The following LAMA3 variants were observed in gnomAD, a reference collection of about 807,000 sequenced individuals.
The protein encoded by LAMA3 is laminin subunit alpha-3.
LAMA3 carries 281 observed loss-of-function variants against 402.0 expected under a neutral mutation model. The ratio of observed to expected loss-of-function variants is 0.70; its 90% CI spans 0.63 to 0.77. The LOEUF (loss-of-function observed/expected upper bound fraction) is 0.77. Ranked by LOEUF, LAMA3 falls within the 30% of genes least tolerant of loss-of-function variation. The pLI is 0.00. For synonymous variants in LAMA3, 1,431 were observed against 1,558.4 expected, an observed-to-expected ratio of 0.92 and a Z score of 1.93; for missense variants, 3,840 against 4,215.5, an observed-to-expected ratio of 0.91 and a Z score of 2.47.
In LAMA3 at chr18:23,828,222, A is replaced by T. The variant is rs531449891; in HGVS notation, c.2823+755A>T. On this transcript the variant is annotated intron_variant, in intron 23 of 74. Transcript: ENST00000313654. Reference sequence around the variant, plus strand: ...TGGGGGATTAAATTTGTGGGATGAAAATATATGTGGAGTTAATTGTAACTG... The same window carrying T: ...TGGGGGATTAAATTTGTGGGATGAATATATATGTGGAGTTAATTGTAACTG... 2.0e-5 allele frequency among the ~76,000 whole-genome samples: 3 copies of T among 152,324 alleles called. No individual in the cohort carries two copies. The East Asian group carries it at 5.8e-4, about 29-fold the overall frequency.
chr18:23,699,050 G>A (rs12953348), intron 1 of LAMA3, among the ~76,000 whole-genome samples: 1 of 128,144 alleles, frequency 7.8e-6, no homozygotes, highest in African/African-American at 2.6e-5. Context: ...GAGAGAGAGA[G>A]AGAGAAAGAA....
At chr18:23,861,577 A>G in intron 34 of LAMA3, 69 bp from the exon 35 acceptor site, 1 of 1,561,936 alleles carries the variant, frequency 6.4e-7, no homozygotes, top group Non-Finnish European at 8.8e-7. Flanking sequence ...GTAGTACATC[A>G]TGCACCCATC....
chr18:23,887,506 A>T (rs2080478803), intron 41 of LAMA3, among the ~76,000 whole-genome samples: 1 of 152,242 alleles, frequency 6.6e-6, no homozygotes, highest in Non-Finnish European at 1.5e-5. Context: ...TGTTTGTTAT[A>T]TCTGATGTCT....
rs1414085351 is a variant in LAMA3 at position 23,689,596 on chromosome 18, C to T, written c.-88C>T. Reference sequence around the variant, plus strand: ...ATCCCCGGCTGCGCTAGTCCTGGCGCTGCAGGTCCGGGAGGCGCAGGCGGA... The same window carrying T: ...ATCCCCGGCTGCGCTAGTCCTGGCGTTGCAGGTCCGGGAGGCGCAGGCGGA... On this transcript the variant is annotated 5_prime_UTR_variant, in exon 1 of 75. Coordinates refer to ENST00000313654, the MANE Select transcript of LAMA3 (RefSeq NM_198129.4). The T allele has an allele frequency of 8.5e-7, 1 of 1,177,368 alleles. No homozygotes were observed. Among genetic ancestry groups the T allele is most frequent in the Admixed American group, 4.3e-5 (1 of 23,066 alleles). The allele number at this position is 1,177,368 out of a possible 1,614,324, so 72.9% of individuals were successfully genotyped here. A position where few individuals can be genotyped will look rare whatever the true frequency, so the allele number is the denominator to read the frequency against.
chr18:23,831,129 A>G (rs2063483022), intron 23 of LAMA3, among the ~76,000 whole-genome samples: 1 of 152,136 alleles, frequency 6.6e-6, no homozygotes, highest in African/African-American at 2.4e-5. Context: ...TTTTTGTGAG[A>G]ATCTCTGTAG....
chr18:23,789,714 C>T (rs754035115), intron 12 of LAMA3, among the ~76,000 whole-genome samples: 2 of 151,990 alleles, frequency 1.3e-5, no homozygotes, highest in African/African-American at 2.4e-5. Context: ...TTAGGGGGAA[C>T]GAAAATGTTC....
At chr18:23,882,609 T>TAA (rs10555585) in intron 40 of LAMA3, among the ~76,000 whole-genome samples, 3 of 138,790 alleles carry the variant, frequency 2.2e-5, no homozygotes, top group Non-Finnish European at 1.6e-5. Flanking sequence ...GACTCCATCT[T>TAA]AAAAAAAAAA....
chr18:23,716,243 T>C (rs2061097357), intron 2 of LAMA3, among the ~76,000 whole-genome samples: 1 of 152,104 alleles, frequency 6.6e-6, no homozygotes, highest in South Asian at 2.1e-4. Context: ...CTGCAACCTC[T>C]GCCTCCCACG....
Position 23,763,406 on chromosome 18 carries a change from A to C in LAMA3, c.1065A>C (p.Ala355=), listed in dbSNP as rs1224425153. 3 of 1,604,246 alleles carry C rather than the reference A, an allele frequency of 1.9e-6. No homozygotes were observed. The highest frequency in any genetic ancestry group is 2.6e-6 in the Non-Finnish European group (3 of 1,171,254). The change falls in exon 8 of 75, where the codon GCA becomes GCC. Residue 355 remains alanine, a splice_region_variant and synonymous_variant. Transcript: ENST00000313654. The part of the protein sequence containing the change: ...AAWEQSHECE[A]CNCHGHASNC... ...TGACTTATTATGCTTTTTTTTCAGC[A>C]TGCAACTGCCACGGCCATGCCAGCA...
chr18:23,822,194 GCTAGCATGT>G, intron 19 of LAMA3, 49 bp from the exon 20 acceptor site: 1 of 1,596,866 alleles, frequency 6.3e-7, no homozygotes, highest in Non-Finnish European at 8.6e-7. Context: ...TCACTGTTTG[GCTAGCATGT>G]CTTTTAACCA....
intron 2 of LAMA3, among the ~76,000 whole-genome samples, chr18:23,743,431 T>A (rs962416230): frequency 6.6e-6 from 1 of 152,188 alleles, no homozygotes; most frequent in African/African-American, 2.4e-5. Context: ...AGCTTTACTA[T>A]CCATCCATCC....
At chr18:23,905,820 A>C (rs1255231734) in intron 52 of LAMA3, among the ~76,000 whole-genome samples, 196 bp downstream of exon 52, 1 of 152,172 alleles carries the variant, frequency 6.6e-6, no homozygotes, top group African/African-American at 2.4e-5. Flanking sequence ...GCTGGAGTGC[A>C]GTGGCACAAT....
chr18:23,938,567 C>T (rs1349194168), intron 67 of LAMA3, among the ~76,000 whole-genome samples: 5 of 152,032 alleles, frequency 3.3e-5, no homozygotes, highest in African/African-American at 1.2e-4. Flanking sequence ...TATCTTGGTC[C>T]TTTCACCTGC....
At chr18:23,799,666 T>C (rs1321757332) in intron 12 of LAMA3, among the ~76,000 whole-genome samples, 2 of 152,072 alleles carry the variant, frequency 1.3e-5, no homozygotes, top group Admixed American at 6.6e-5. Flanking sequence ...AGGGCAGAAA[T>C]AGCAGAACAA....
intron 2 of LAMA3, among the ~76,000 whole-genome samples, chr18:23,728,806 G>A (rs1212020082): frequency 2.0e-5 from 3 of 152,002 alleles, no homozygotes; most frequent in African/African-American, 7.3e-5. Flanking sequence ...CGAGGCAGGC[G>A]GGTCACCTGA....
intron 42 of LAMA3, among the ~76,000 whole-genome samples, chr18:23,891,587 A>G (rs2080666836): frequency 6.6e-6 from 1 of 152,236 alleles, no homozygotes; most frequent in African/African-American, 2.4e-5. Flanking sequence ...AAGGGCCTCA[A>G]CAGTCTAGAA....
intron 1 of LAMA3, chr18:23,710,114 T>C (rs559909019): frequency 1.3e-4 from 90 of 713,650 alleles, no homozygotes; most frequent in Non-Finnish European, 2.1e-4. Flanking sequence ...CCGAGGATAT[T>C]TGGGCTGCCT....
At chr18:23,731,549 A>C (rs1000662690) in intron 2 of LAMA3, among the ~76,000 whole-genome samples, 3 of 152,208 alleles carry the variant, frequency 2.0e-5, no homozygotes, top group Non-Finnish European at 4.4e-5. Context: ...TTTGCCCCAC[A>C]AACTGGTGTG....
At chr18:23,872,754 G>T (rs1211865546) in intron 38 of LAMA3, 1 of 448,360 alleles carries the variant, frequency 2.2e-6, no homozygotes, top group African/African-American at 2.0e-5. Context: ...TACCCAGGGC[G>T]TGTTCCCTGC....
Sources: allele counts gnomAD v4.1 joint callset (sites outside exome capture counted in the v4.1 genomes callset), GRCh38; gene constraint gnomAD v4.1.1; transcripts MANE v1.5; gene names NCBI Gene and HGNC (gene_info 2026-07-23, HGNC 2026-07-21).